Variants in RBPMS observed in about 807,000 individuals in gnomAD.
The protein encoded by RBPMS is RNA binding protein, mRNA processing factor, also known as RNA-binding protein with multiple splicing.
RBPMS carries 7 observed loss-of-function variants against 26.8 expected under a neutral mutation model. The observed-to-expected ratio is 0.26, with a 90% CI of 0.15 to 0.49. The LOEUF is 0.49. Ranked by LOEUF, RBPMS falls within the 20% of genes least tolerant of loss-of-function variation. The probability of loss-of-function intolerance (pLI) is 0.98; values close to 1 mark genes in which losing one functional copy is unlikely to be tolerated. For synonymous variants in RBPMS, 96 were observed against 93.3 expected (o/e 1.03, Z -0.17); for missense variants, 186 against 250.0 (o/e 0.74, Z 1.73).
intron 1 of RBPMS, among the ~76,000 whole-genome samples, chr8:30,465,123 A>C (rs531335154): frequency 3.7e-4 from 56 of 152,370 alleles, no homozygotes; most frequent in African/African-American, 1.3e-3. Flanking sequence ...GGGATGAAGC[A>C]TCCTGCCTTT....
At chr8:30,493,187 T>G (rs1819575786) in intron 4 of RBPMS, among the ~76,000 whole-genome samples, 1 of 152,164 alleles carries the variant, frequency 6.6e-6, no homozygotes, top group Non-Finnish European at 1.5e-5. Context: ...TAAAAATTTG[T>G]TTATAGGTTT....
chr8:30,426,121 C>T (rs1310144284), intron 1 of RBPMS, among the ~76,000 whole-genome samples: 3 of 152,104 alleles, frequency 2.0e-5, no homozygotes, highest in South Asian at 4.1e-4. Context: ...CTGGCAGTGC[C>T]GGTGCTGAAA....
At chr8:30,494,268 G>A (rs1208422995) in intron 4 of RBPMS, among the ~76,000 whole-genome samples, 1 of 152,178 alleles carries the variant, frequency 6.6e-6, no homozygotes, top group Non-Finnish European at 1.5e-5. Flanking sequence ...CAGTCTCAGA[G>A]CAGAGTATGA....
At chr8:30,566,687 G>A (rs189781418) in intron 8 of RBPMS, among the ~76,000 whole-genome samples, 130 of 152,328 alleles carry the variant, frequency 8.5e-4, no homozygotes, top group African/African-American at 3.0e-3. Context: ...TTACTGAAAC[G>A]AAGCTTTTCC....
rs1005113909 is a variant in RBPMS at position 30,454,615 on chromosome 8, T to A, written c.67-20164T>A. On this transcript the variant is annotated intron_variant, in intron 1 of 8. Transcript: ENST00000397323. ...TCCTCTTTGAACGTAGCAGAAGGAT[T>A]TGTTTCTTATAAAGAAATAAATGTG... is the stretch of plus-strand genomic sequence containing the variant. 2.6e-5 allele frequency among the ~76,000 whole-genome samples: 4 copies of A among 152,234 alleles called. No homozygotes were observed. The South Asian group carries it at 8.3e-4, about 32-fold the overall frequency.
intron 5 of RBPMS, among the ~76,000 whole-genome samples, chr8:30,523,348 G>T (rs1823251463): frequency 6.6e-6 from 1 of 150,646 alleles, no homozygotes; most frequent in Non-Finnish European, 1.5e-5. Context: ...CTGCATTCCA[G>T]CCTGGGCAAG....
At chr8:30,431,446 T>C (rs1811925793) in intron 1 of RBPMS, among the ~76,000 whole-genome samples, 1 of 151,694 alleles carries the variant, frequency 6.6e-6, no homozygotes, top group African/African-American at 2.4e-5. Context: ...TCCTCTCTTC[T>C]GTCCTGTCTT....
At chr8:30,565,964 A>G (rs180735253) in intron 7 of RBPMS, 1 of 152,344 alleles carries the variant, frequency 6.6e-6, no homozygotes, top group Non-Finnish European at 1.5e-5. Context: ...CCCTCAGCGA[A>G]GAGTTCACAT....
chr8:30,469,252 C>T (rs1251370295), intron 1 of RBPMS, among the ~76,000 whole-genome samples: 1 of 152,218 alleles, frequency 6.6e-6, no homozygotes, highest in Non-Finnish European at 1.5e-5. Flanking sequence ...TGGCCTTTCT[C>T]TCCAGGGAAG....
chr8:30,503,487 G>A (rs925605016), intron 4 of RBPMS, among the ~76,000 whole-genome samples: 3 of 151,150 alleles, frequency 2.0e-5, no homozygotes, highest in Middle Eastern at 6.8e-3. Flanking sequence ...TTGAACTCCC[G>A]AGCTCAGGCA....
chr8:30,519,514 C>T (rs1450828478), intron 5 of RBPMS, among the ~76,000 whole-genome samples: 2 of 123,270 alleles, frequency 1.6e-5, no homozygotes, highest in Non-Finnish European at 3.2e-5. Flanking sequence ...GACGGAGTCT[C>T]ACTGTGTTGC....
chr8:30,486,254 C>G (rs764866774), intron 4 of RBPMS, among the ~76,000 whole-genome samples: 1 of 151,894 alleles, frequency 6.6e-6, no homozygotes, highest in Non-Finnish European at 1.5e-5. Flanking sequence ...GCACGAGAAT[C>G]ACTTGAACCT....
chr8:30,521,728 T>C (rs1478772552), intron 5 of RBPMS, among the ~76,000 whole-genome samples: 2 of 152,314 alleles, frequency 1.3e-5, no homozygotes, highest in East Asian at 1.9e-4. Flanking sequence ...CTGGGTAATA[T>C]TCCAATTCAT....
At chr8:30,505,498 TC>T (rs1214195081) in intron 5 of RBPMS, among the ~76,000 whole-genome samples, 1 of 152,146 alleles carries the variant, frequency 6.6e-6, no homozygotes, top group Non-Finnish European at 1.5e-5. Context: ...CAGATAAGTC[TC>T]CCTGAATGTT....
chr8:30,495,243 G>A (rs914401877), intron 4 of RBPMS, among the ~76,000 whole-genome samples: 4 of 150,012 alleles, frequency 2.7e-5, no homozygotes, highest in African/African-American at 7.4e-5. Flanking sequence ...ATTTTATTGC[G>A]TTTTATGGAA....
At position 30,551,851 on chromosome 8, in the gene RBPMS, A is replaced by C. The variant is rs74964367; in HGVS notation, c.529-7036A>C. On this transcript the variant is annotated intron_variant, in intron 6 of 8. Coordinates refer to ENST00000397323, the MANE Select transcript of RBPMS (RefSeq NM_001008710.3). ...GGCAAGTTGGTTTTTAACTGCACGG[A>C]GCCTCAGTTTCCTCATCTATAAATG... Among the ~76,000 whole-genome samples, 1,516 of 152,320 alleles carry C rather than the reference A, an allele frequency of 1.0e-2. 25 individuals are homozygous for C. Among genetic ancestry groups the C allele is most frequent in the African/African-American group, 0.035 (1,434 of 41,562 alleles).
At chr8:30,501,681 T>G (rs898231647) in intron 4 of RBPMS, among the ~76,000 whole-genome samples, 5 of 152,150 alleles carry the variant, frequency 3.3e-5, no homozygotes, top group Admixed American at 1.3e-4. Flanking sequence ...AAGAGAAAGG[T>G]TCTCTGTTCA....
At chr8:30,462,245 C>A (rs1284763857) in intron 1 of RBPMS, among the ~76,000 whole-genome samples, 4 of 152,092 alleles carry the variant, frequency 2.6e-5, no homozygotes, top group Non-Finnish European at 4.4e-5. Flanking sequence ...GTGAAAGATT[C>A]TGTTTCTCTG....
intron 1 of RBPMS, among the ~76,000 whole-genome samples, chr8:30,430,295 T>C (rs984076357): frequency 3.9e-5 from 6 of 152,138 alleles, no homozygotes; most frequent in African/African-American, 1.4e-4. Context: ...CTGTTGTCAA[T>C]AGAGAAGAGA....
Sources: gnomAD v4.1 joint callset for allele counts (sites outside exome capture counted in the v4.1 genomes callset) on GRCh38, gnomAD v4.1.1 for gene constraint, MANE v1.5 for transcripts, NCBI Gene and HGNC (gene_info 2026-07-23, HGNC 2026-07-21) for gene names.